Variants in STK31 observed in about 807,000 individuals in gnomAD.
The protein encoded by STK31 is serine/threonine kinase 31, also known as serine/threonine-protein kinase 31.
Under a neutral mutation model 129.7 loss-of-function variants are expected in STK31, and 89 were observed. That is an observed-to-expected ratio of 0.69 (90% confidence interval 0.58 to 0.82). The LOEUF (loss-of-function observed/expected upper bound fraction) is 0.82. Ranked by LOEUF, STK31 falls within the 40% of genes least tolerant of loss-of-function variation. The probability of loss-of-function intolerance (pLI) is 0.00; values close to 1 mark genes in which losing one functional copy is unlikely to be tolerated. For missense variants in STK31, 1,187 were observed against 1,176.4 expected, an observed-to-expected ratio of 1.01 and a Z score of -0.13; for synonymous variants, 448 against 395.3, an observed-to-expected ratio of 1.13 and a Z score of -1.58.
chr7:23,800,151 C>T (rs571285005), intron 22 of STK31, among the ~76,000 whole-genome samples: 4 of 152,178 alleles, frequency 2.6e-5, no homozygotes, highest in East Asian at 3.9e-4. Context: ...TAAATTAGTT[C>T]GGCCATTATG....
intron 8 of STK31, among the ~76,000 whole-genome samples, chr7:23,742,974 A>G (rs540931339): frequency 2.8e-5 from 4 of 142,610 alleles, no homozygotes; most frequent in East Asian, 4.0e-4. Context: ...TTTTTTTGAG[A>G]CAGAGTCTTG....
chr7:23,771,617 C>T (rs998137585), intron 14 of STK31: 8 of 152,952 alleles, frequency 5.2e-5, no homozygotes, highest in African/African-American at 1.9e-4. Context: ...ATCCTCATCC[C>T]TATGTAGATG....
chr7:23,754,400 T>A lies in STK31; in HGVS notation c.1219T>A (p.Ser407Thr). ...LDEGCFTTPA[S>T]LNGLEIIWAE... ...TGAAGGGTGCTTTACTACTCCAGCT[T>A]CTTTGAATGGATTAGAGATAATATG... The change falls in exon 10 of 24, where the codon TCT (serine) becomes ACT (threonine). Residue 407 changes from serine (S) to threonine (T), a missense_variant. Physicochemically the swap from Ser to Thr is moderately conservative, Grantham distance 58. Coordinates refer to ENST00000355870, the MANE Select transcript of STK31 (RefSeq NM_031414.5). 6.2e-7 allele frequency: 1 copy of A among 1,614,012 alleles called. No individual in the cohort carries two copies. Among genetic ancestry groups the A allele is most frequent in the Middle Eastern group, 1.6e-4 (1 of 6,062 alleles).
rs1021904847 is a variant in STK31, at chr7:23,789,584, C to T, written c.2638-1240C>T. Among the ~76,000 whole-genome samples, 8 of 152,142 alleles carry T rather than the reference C, an allele frequency of 5.3e-5. No individual in the cohort carries two copies. In the East Asian group the frequency reaches 1.4e-3, roughly 26 times the overall value. ...AGCTCAAAAAGATGAGAAAATGAAACTGCAACTGTAATCAAAAGCTGGATT... is the reference window on the plus strand; with the variant it reads ...AGCTCAAAAAGATGAGAAAATGAAATTGCAACTGTAATCAAAAGCTGGATT... On this transcript the variant is annotated intron_variant, in intron 21 of 23. Coordinates refer to ENST00000355870, the MANE Select transcript of STK31 (RefSeq NM_031414.5).
Position 23,832,169 on chromosome 7 carries a change from A to G in STK31, c.2863A>G (p.Ile955Val), listed in dbSNP as rs765637099. The change falls in exon 24 of 24, where the codon ATA becomes GTA. Residue 955 changes from isoleucine to valine, a missense_variant. By Grantham distance (29) the Ile-to-Val change is conservative. Transcript: ENST00000355870. ...DKVKSLLCSL[I>V]CYRSSMTAEQ... ...AGTCAAATCCCTCCTCTGTAGCTTGATATGTTATAGAAGTTCAATGACTGC... is the reference window on the plus strand; with the variant it reads ...AGTCAAATCCCTCCTCTGTAGCTTGGTATGTTATAGAAGTTCAATGACTGC... 1.4e-5 allele frequency: 23 copies of G among 1,613,952 alleles called. No individual in the cohort carries two copies. In the Admixed American group the frequency reaches 3.3e-4, roughly 23 times the overall value.
intron 18 of STK31, 61 bp downstream of exon 18, chr7:23,785,664 T>TA: frequency 2.0e-6 from 3 of 1,534,660 alleles, no homozygotes; most frequent in Non-Finnish European, 2.6e-6. Flanking sequence ...GTGGTGCTGT[T>TA]ACATTTCAAG....
chr7:23,765,978 T>C (rs1362539395), intron 11 of STK31, among the ~76,000 whole-genome samples: 4 of 152,212 alleles, frequency 2.6e-5, no homozygotes, highest in African/African-American at 7.2e-5. Flanking sequence ...ATTATAGATA[T>C]TGTGTGTGAT....
chr7:23,799,832 C>T (rs1792249793), intron 22 of STK31, among the ~76,000 whole-genome samples: 1 of 152,134 alleles, frequency 6.6e-6, no homozygotes. Context: ...TTTTTGCAAT[C>T]TACCCATCTG....
intron 22 of STK31, chr7:23,811,732 T>G (rs1793147265): frequency 6.5e-6 from 1 of 153,182 alleles, no homozygotes; most frequent in Non-Finnish European, 1.5e-5. Context: ...ATAGGAAGCA[T>G]CCAGAAAAGT....
intron 4 of STK31, 23 bp downstream of exon 4, chr7:23,717,602 A>T: frequency 6.5e-7 from 1 of 1,532,542 alleles, no homozygotes; most frequent in Non-Finnish European, 9.0e-7. Flanking sequence ...CTTGAATATA[A>T]TTATTTCATT....
chr7:23,787,244 T>C (rs1791340606), intron 20 of STK31, among the ~76,000 whole-genome samples: 1 of 152,228 alleles, frequency 6.6e-6, no homozygotes, highest in Admixed American at 6.5e-5. Context: ...TAGCACTTGG[T>C]ACTGTAAGTG....
chr7:23,751,846 C>T (rs922726869), intron 8 of STK31, among the ~76,000 whole-genome samples: 3 of 151,188 alleles, frequency 2.0e-5, no homozygotes, highest in Admixed American at 1.3e-4. Flanking sequence ...CTCCCTGTGC[C>T]AAAGGGAGTT....
intron 22 of STK31, among the ~76,000 whole-genome samples, chr7:23,804,370 A>C (rs912397239): frequency 1.2e-4 from 18 of 152,112 alleles, no homozygotes; most frequent in African/African-American, 3.6e-4. Flanking sequence ...GGAGTAGCTT[A>C]TCTATCTTGT....
At chr7:23,745,117 A>G (rs1788271541) in intron 8 of STK31, among the ~76,000 whole-genome samples, 1 of 152,190 alleles carries the variant, frequency 6.6e-6, no homozygotes, top group Non-Finnish European at 1.5e-5. Context: ...GCCCACAGGT[A>G]GCATGTGCAA....
chr7:23,723,147 C>A (rs894595302), intron 4 of STK31, among the ~76,000 whole-genome samples: 2 of 152,174 alleles, frequency 1.3e-5, no homozygotes, highest in Non-Finnish European at 2.9e-5. Context: ...TCTTCTGCGT[C>A]GCTCACACTG....
chr7:23,734,519 CAA>C (rs1299159322), intron 6 of STK31, among the ~76,000 whole-genome samples: 3 of 152,154 alleles, frequency 2.0e-5, no homozygotes, highest in Admixed American at 2.0e-4. Flanking sequence ...AATTAAGTCT[CAA>C]TATGTTCCAA....
chr7:23,743,911 A>T (rs927426017), intron 8 of STK31, among the ~76,000 whole-genome samples: 3 of 150,248 alleles, frequency 2.0e-5, no homozygotes, highest in African/African-American at 7.4e-5. Context: ...TTGATCTAGT[A>T]TTTTTTGTTG....
chr7:23,757,600 TA>T (rs756207487), intron 10 of STK31, among the ~76,000 whole-genome samples: 8 of 152,090 alleles, frequency 5.3e-5, no homozygotes, highest in Non-Finnish European at 1.2e-4. Context: ...CCTCCAGCCT[TA>T]AGGTGGTTTT....
chr7:23,710,892 A>G (rs1785912318), intron 1 of STK31: 1 of 713,814 alleles, frequency 1.4e-6, no homozygotes, highest in Non-Finnish European at 1.7e-6. Flanking sequence ...TTCCGTGGGA[A>G]TATATAGTCT....
Sources: allele counts gnomAD v4.1 joint callset (sites outside exome capture counted in the v4.1 genomes callset), GRCh38; gene constraint gnomAD v4.1.1; transcripts MANE v1.5; gene names NCBI Gene and HGNC (gene_info 2026-07-23, HGNC 2026-07-21).